CENPP: variants seen among roughly 807,000 people sequenced by gnomAD.
CENPP encodes the protein centromere protein P.
In CENPP, 24 loss-of-function variants were observed where a neutral mutation model predicts 35.6. That is an observed-to-expected ratio of 0.67 (90% CI 0.49 to 0.95). The LOEUF (loss-of-function observed/expected upper bound fraction) is 0.95, where lower values mean the gene tolerates loss of function less well. Ranked by LOEUF, CENPP falls within the 40% of genes least tolerant of loss-of-function variation. The pLI, the probability that CENPP is intolerant of heterozygous loss-of-function variation, is 0.00. For missense variants in CENPP, 332 were observed against 345.3 expected (o/e 0.96, Z 0.31); for synonymous variants, 120 against 125.5 (o/e 0.96, Z 0.29).
intron 5 of CENPP, among the ~76,000 whole-genome samples, chr9:92,440,111 A>G (rs1234624413): frequency 6.6e-6 from 1 of 152,168 alleles, no homozygotes; most frequent in East Asian, 1.9e-4. Flanking sequence ...CCAGGACATG[A>G]ATCATCCCTG....
chr9:92,359,772 T>C (rs1841693202), intron 4 of CENPP, among the ~76,000 whole-genome samples: 1 of 151,032 alleles, frequency 6.6e-6, no homozygotes, highest in South Asian at 2.1e-4. Flanking sequence ...AGATCCTTTA[T>C]GGCTGGAGGA....
intron 5 of CENPP, chr9:92,500,978 G>A: frequency 6.2e-7 from 1 of 1,614,168 alleles, no homozygotes; most frequent in Non-Finnish European, 8.5e-7. Flanking sequence ...GGAGTACTAG[G>A]TGCAGCAAGG....
intron 5 of CENPP, among the ~76,000 whole-genome samples, chr9:92,592,087 A>G (rs1850677141): frequency 6.6e-6 from 1 of 152,226 alleles, no homozygotes; most frequent in East Asian, 1.9e-4. Context: ...GCATATATAG[A>G]CACATATACA....
At chr9:92,564,308 G>A (rs1234294234) in intron 5 of CENPP, among the ~76,000 whole-genome samples, 1 of 151,898 alleles carries the variant, frequency 6.6e-6, no homozygotes, top group African/African-American at 2.4e-5. Flanking sequence ...AGAATCACTT[G>A]AGCCTGGGAG....
intron 5 of CENPP, among the ~76,000 whole-genome samples, chr9:92,496,924 T>C (rs1337608259): frequency 6.6e-6 from 1 of 151,748 alleles, no homozygotes; most frequent in Non-Finnish European, 1.5e-5. Context: ...ATACCACTTT[T>C]TATTTATAAG....
chr9:92,530,517 A>G (rs1363415368), intron 5 of CENPP, among the ~76,000 whole-genome samples: 1 of 152,208 alleles, frequency 6.6e-6, no homozygotes, highest in African/African-American at 2.4e-5. Flanking sequence ...CTTTAATACT[A>G]TTAACCTATT....
chr9:92,474,419 T>G (rs1300574201), intron 5 of CENPP, among the ~76,000 whole-genome samples: 7 of 152,306 alleles, frequency 4.6e-5, no homozygotes, highest in Admixed American at 3.3e-4. Flanking sequence ...TGGACAACAT[T>G]CCCTTAGTTT....
At chr9:92,569,817 T>A (rs535202405) in intron 5 of CENPP, among the ~76,000 whole-genome samples, 1 of 152,316 alleles carries the variant, frequency 6.6e-6, no homozygotes, top group Non-Finnish European at 1.5e-5. Context: ...GTTGGATTCC[T>A]AGGTATTTTA....
intron 5 of CENPP, among the ~76,000 whole-genome samples, chr9:92,457,854 T>TA (rs1342005405): frequency 1.3e-5 from 2 of 152,176 alleles, no homozygotes; most frequent in African/African-American, 4.8e-5. Flanking sequence ...AACATACATA[T>TA]TTTTAAATAT....
intron 5 of CENPP, among the ~76,000 whole-genome samples, chr9:92,480,161 G>A (rs1450945777): frequency 6.6e-6 from 1 of 152,128 alleles, no homozygotes; most frequent in Non-Finnish European, 1.5e-5. Flanking sequence ...CCCTGATTTA[G>A]ACCAGTTTTG....
chr9:92,464,762 A>G (rs1184566338), intron 5 of CENPP: 2 of 715,964 alleles, frequency 2.8e-6, no homozygotes, highest in East Asian at 2.7e-5. Flanking sequence ...GGCACTACAT[A>G]TGGCATTTTA....
chr9:92,553,180 C>T (rs1271449984), intron 5 of CENPP, among the ~76,000 whole-genome samples: 1 of 152,086 alleles, frequency 6.6e-6, no homozygotes, highest in African/African-American at 2.4e-5. Context: ...CCTTTCCCCA[C>T]TTTATGTTTT....
chr9:92,417,405 C>A, intron 5 of CENPP: 1 of 1,614,038 alleles, frequency 6.2e-7, no homozygotes. Flanking sequence ...AAAGGAACTC[C>A]GTAGTCTACA....
intron 5 of CENPP, among the ~76,000 whole-genome samples, chr9:92,416,102 TA>T (rs1190186521): frequency 2.4e-4 from 34 of 140,244 alleles, no homozygotes; most frequent in African/African-American, 7.6e-4. Flanking sequence ...TTATTTATTT[TA>T]TTTTTTTTTT....
At chr9:92,330,688 G>GTT (rs11396197) in intron 1 of CENPP, among the ~76,000 whole-genome samples, 1,419 of 121,232 alleles carry the variant, frequency 0.012, 17 homozygotes, top group Non-Finnish European at 0.013. Flanking sequence ...TCTTTTCTTT[G>GTT]TTTTTTTTTT....
At position 92,422,262 on chromosome 9, in the gene CENPP, C is replaced by T. The variant is rs112205888; in HGVS notation, c.564+42403C>T. ...TAAGACGGGATTTTGCCATGTTGGC[C>T]AGCCTGGTCTCGAACTCCTGACCTC... is the stretch of plus-strand genomic sequence containing the variant. On this transcript the variant is annotated intron_variant, in intron 5 of 7. Coordinates refer to ENST00000375587, the MANE Select transcript of CENPP (RefSeq NM_001012267.3). Among the ~76,000 whole-genome samples the T allele has an allele frequency of 1.1e-4, 16 of 152,226 alleles. 1 individual carries two copies. Among genetic ancestry groups the T allele is most frequent in the African/African-American group, 3.9e-4 (16 of 41,540 alleles).
chr9:92,482,765 A>G (rs1030689755), intron 5 of CENPP, among the ~76,000 whole-genome samples: 1 of 152,248 alleles, frequency 6.6e-6, no homozygotes, highest in African/African-American at 2.4e-5. Flanking sequence ...CAACCTGTAT[A>G]GACTAATAAA....
At chr9:92,450,302 G>A (rs1322766123) in intron 5 of CENPP, among the ~76,000 whole-genome samples, 1 of 139,612 alleles carries the variant, frequency 7.2e-6, no homozygotes, top group African/African-American at 2.7e-5. Flanking sequence ...GTGTCCATGT[G>A]TTCTCATTGT....
intron 5 of CENPP, among the ~76,000 whole-genome samples, chr9:92,406,073 A>G (rs1472629472): frequency 6.6e-6 from 1 of 152,228 alleles, no homozygotes; most frequent in Non-Finnish European, 1.5e-5. Context: ...CTGGGAGTCA[A>G]GGAGACTGCA....
Sources: gnomAD v4.1 joint callset for allele counts (sites outside exome capture counted in the v4.1 genomes callset) on GRCh38, gnomAD v4.1.1 for gene constraint, MANE v1.5 for transcripts, NCBI Gene and HGNC (gene_info 2026-07-23, HGNC 2026-07-21) for gene names.